ATXN10: variants seen among roughly 807,000 people sequenced by gnomAD.
ATXN10 encodes ataxin 10.
In ATXN10, 28 loss-of-function variants were observed where a neutral mutation model predicts 52.9. The ratio of observed to expected loss-of-function variants is 0.53; its 90% CI spans 0.39 to 0.73. The LOEUF (loss-of-function observed/expected upper bound fraction) is 0.73, where lower values mean the gene tolerates loss of function less well. Ranked by LOEUF, ATXN10 falls within the 30% of genes least tolerant of loss-of-function variation. The pLI, the probability that ATXN10 is intolerant of heterozygous loss-of-function variation, is 0.00. For missense variants in ATXN10, 565 were observed against 577.0 expected (o/e 0.98, Z 0.21); for synonymous variants, 226 against 221.5 (o/e 1.02, Z -0.18).
At position 45,732,822 on chromosome 22, in the gene ATXN10, T is replaced by A. The variant is rs948200157; in HGVS notation, c.894+3232T>A. On this transcript the variant is annotated intron_variant, in intron 7 of 11. Coordinates refer to ENST00000252934, the MANE Select transcript of ATXN10 (RefSeq NM_013236.4). The surrounding 1 kb of genome is among the most constrained non-coding windows in gnomAD (Gnocchi z 4.5). Reference sequence around the variant, plus strand: ...GCCTCTTCCACCCCAGCCATTCTTCTGCCAAACCACTGCATTTACTCATTG... The same window carrying A: ...GCCTCTTCCACCCCAGCCATTCTTCAGCCAAACCACTGCATTTACTCATTG... Among the ~76,000 whole-genome samples, 9 of 152,234 alleles carry A rather than the reference T, an allele frequency of 5.9e-5. No individual in the cohort carries two copies. The highest frequency in any genetic ancestry group is 1.3e-4 in the Non-Finnish European group (9 of 68,036).
intron 1 of ATXN10, 190 bp from the exon 2 acceptor site, chr22:45,689,522 G>C (rs2146736983): frequency 1.6e-6 from 1 of 615,664 alleles, no homozygotes; most frequent in South Asian, 2.0e-5. Context: ...GAAGTGACAA[G>C]AACAGTGTCT....
Position 45,783,183 on chromosome 22 carries a change from A to C in ATXN10, c.1174-23776A>C, listed in dbSNP as rs968809483. Among the ~76,000 whole-genome samples, 2 of 152,182 alleles carry C rather than the reference A, an allele frequency of 1.3e-5. No individual in the cohort carries two copies. On this transcript the variant is annotated intron_variant, in intron 9 of 11. Transcript: ENST00000252934. This position sits in a 1 kb window ranked among gnomAD's most constrained non-coding sequence, Gnocchi z 5.0. ...TGTTAAGTAAGATAAGGGTTCCATG[A>C]ACACGAGCACTGTGATACCATGGCA...
At chr22:45,714,582 A>G (rs560780440) in intron 5 of ATXN10, among the ~76,000 whole-genome samples, 5 of 152,044 alleles carry the variant, frequency 3.3e-5, no homozygotes, top group South Asian at 2.1e-4. Context: ...GGGTCTCACT[A>G]TGTTGCCCAG....
rs1411987474 is a variant in ATXN10, at chr22:45,672,025, C to G, written c.-39C>G. On this transcript the variant is annotated 5_prime_UTR_variant, in exon 1 of 12. Transcript: ENST00000252934. Reference sequence around the variant, plus strand: ...CTCCCCCTTCGTCCTCCTCGCCTTCCTCCTCCTCGTCAGGCTCGACCCAGC... The same window carrying G: ...CTCCCCCTTCGTCCTCCTCGCCTTCGTCCTCCTCGTCAGGCTCGACCCAGC... The G allele has an allele frequency of 6.5e-7, 1 of 1,528,264 alleles. No homozygotes were observed. The highest frequency in any genetic ancestry group is 8.8e-7 in the Non-Finnish European group (1 of 1,140,720). The allele number at this position is 1,528,264 out of a possible 1,614,324, so 94.7% of individuals were successfully genotyped here.
At chr22:45,776,227 G>A (rs1188192482) in intron 9 of ATXN10, among the ~76,000 whole-genome samples, 1 of 152,140 alleles carries the variant, frequency 6.6e-6, no homozygotes, top group Admixed American at 6.5e-5. Flanking sequence ...ACTTAATGTG[G>A]ACCATGGTTT....
At chr22:45,830,705 AAAAC>A (rs1467247458) in intron 10 of ATXN10, among the ~76,000 whole-genome samples, 2 of 152,142 alleles carry the variant, frequency 1.3e-5, no homozygotes, top group East Asian at 3.8e-4. Context: ...AAAAAAAAAA[AAAAC>A]AAGTCTTGGC....
chr22:45,800,663 C>A (rs1291108264), intron 9 of ATXN10, among the ~76,000 whole-genome samples: 2 of 152,234 alleles, frequency 1.3e-5, no homozygotes, highest in Non-Finnish European at 2.9e-5. Flanking sequence ...CATCTCCATT[C>A]ATTGCGGATA....
intron 9 of ATXN10, among the ~76,000 whole-genome samples, chr22:45,779,151 A>G (rs1210679482): frequency 6.6e-6 from 1 of 152,162 alleles, no homozygotes; most frequent in Non-Finnish European, 1.5e-5. Flanking sequence ...GCAAGAAGCC[A>G]CCACTTCTTC....
At position 45,762,526 on chromosome 22, in the gene ATXN10, C is replaced by T. The variant is rs1166956891; in HGVS notation, c.1173+21988C>T. Among the ~76,000 whole-genome samples, 1 of 152,196 alleles carries T rather than the reference C, an allele frequency of 6.6e-6. No individual in the cohort carries two copies. Among genetic ancestry groups the T allele is most frequent in the Non-Finnish European group, 1.5e-5 (1 of 68,032 alleles). ...ACACCTGTTGTGTCTTCCTGGGAGG[C>T]TCCCAGGCATGCTCCTGTCTGGCCA... is the stretch of plus-strand genomic sequence containing the variant. On this transcript the variant is annotated intron_variant, in intron 9 of 11. Coordinates refer to ENST00000252934, the MANE Select transcript of ATXN10 (RefSeq NM_013236.4). This position sits in a 1 kb window ranked among gnomAD's most constrained non-coding sequence, Gnocchi z 4.3.
chr22:45,839,986 G>A (rs908070074), intron 10 of ATXN10, among the ~76,000 whole-genome samples: 1 of 152,228 alleles, frequency 6.6e-6, no homozygotes, highest in Non-Finnish European at 1.5e-5. Flanking sequence ...CCAGCACCAC[G>A]CTAGGGACAG....
intron 5 of ATXN10, among the ~76,000 whole-genome samples, chr22:45,707,948 A>G (rs927136775): frequency 7.2e-5 from 11 of 152,118 alleles, no homozygotes; most frequent in Non-Finnish European, 1.3e-4. Context: ...ATTTTAGGAG[A>G]TAGGTGGCAA....
chr22:45,700,498 G>C, intron 4 of ATXN10, 120 bp downstream of exon 4: 1 of 786,648 alleles, frequency 1.3e-6, no homozygotes, highest in Non-Finnish European at 2.1e-6. Flanking sequence ...CAGGATAGTA[G>C]TTGTTCTTGG....
intron 9 of ATXN10, among the ~76,000 whole-genome samples, chr22:45,777,284 G>C (rs1926993753): frequency 6.6e-6 from 1 of 152,208 alleles, no homozygotes; most frequent in Non-Finnish European, 1.5e-5. Context: ...ACCATAGCTG[G>C]AGTCGGGTGG....
intron 6 of ATXN10, among the ~76,000 whole-genome samples, chr22:45,723,695 C>T (rs2074572550): frequency 6.6e-6 from 1 of 152,130 alleles, no homozygotes; most frequent in African/African-American, 2.4e-5. Flanking sequence ...GTGGCTCACA[C>T]CTGTAATCCC....
chr22:45,714,894 T>C (rs768231153), intron 5 of ATXN10, among the ~76,000 whole-genome samples: 7 of 152,226 alleles, frequency 4.6e-5, no homozygotes, highest in Admixed American at 1.3e-4. Context: ...GGATTCACTC[T>C]CATTTTTGTT....
rs138161 is a variant in ATXN10 at position 45,728,174 on chromosome 22, G to C, written c.729-1251G>C. ...ATTTTGTGTTCTCCATTGTGTTACT[G>C]TTTTATAGGTGCTGTGCATTTTGTG... On this transcript the variant is annotated intron_variant, in intron 6 of 11. Coordinates refer to ENST00000252934, the MANE Select transcript of ATXN10 (RefSeq NM_013236.4). This position sits in a 1 kb window ranked among gnomAD's most constrained non-coding sequence, Gnocchi z 4.3. 1.1e-4 allele frequency among the ~76,000 whole-genome samples: 17 copies of C among 152,188 alleles called. No homozygotes were observed. The highest frequency in any genetic ancestry group is 4.1e-4 in the African/African-American group (17 of 41,530).
In ATXN10 at chr22:45,789,741, T is replaced by C. The variant is rs150402963; in HGVS notation, c.1174-17218T>C. 5.9e-5 allele frequency among the ~76,000 whole-genome samples: 9 copies of C among 152,310 alleles called. 1 individual carries two copies. The East Asian group carries it at 1.7e-3, about 29-fold the overall frequency. ...CCGTTAGGGATGTAGGAGTGTGTCC[T>C]TCCTTTGGAGAGAAGCTCAGTTTGT... On this transcript the variant is annotated intron_variant, in intron 9 of 11. Coordinates refer to ENST00000252934, the MANE Select transcript of ATXN10 (RefSeq NM_013236.4). This position sits in a 1 kb window ranked among gnomAD's most constrained non-coding sequence, Gnocchi z 4.0.
intron 3 of ATXN10, among the ~76,000 whole-genome samples, chr22:45,695,961 C>T (rs1304435478): frequency 6.6e-6 from 1 of 152,140 alleles, no homozygotes; most frequent in Non-Finnish European, 1.5e-5. Context: ...ATTTTAAACT[C>T]AGTTTGCTAG....
At chr22:45,709,413 C>G (rs1924159965) in intron 5 of ATXN10, among the ~76,000 whole-genome samples, 2 of 152,214 alleles carry the variant, frequency 1.3e-5, no homozygotes. Context: ...GCTTATGCAA[C>G]TGAAAAATTC....
Sources: allele counts gnomAD v4.1 joint callset (sites outside exome capture counted in the v4.1 genomes callset), GRCh38; gene constraint gnomAD v4.1.1; non-coding constraint Gnocchi (gnomAD v3.1); transcripts MANE v1.5; gene names NCBI Gene and HGNC (gene_info 2026-07-23, HGNC 2026-07-21).